The following MACROD2 variants were observed in gnomAD, a reference collection of about 807,000 sequenced individuals.
The protein encoded by MACROD2 is ADP-ribose glycohydrolase MACROD2.
A neutral mutation model predicts 70.4 loss-of-function variants in MACROD2; 36 were observed. The observed-to-expected ratio is 0.51, with a 90% CI of 0.39 to 0.68. The LOEUF (loss-of-function observed/expected upper bound fraction) is 0.68, where lower values mean the gene tolerates loss of function less well. Among genes scored for constraint, MACROD2 ranks in the 30% least tolerant of loss-of-function variants. The pLI, the probability that MACROD2 is intolerant of heterozygous loss-of-function variation, is 0.00. For synonymous variants in MACROD2, 172 were observed against 178.8 expected (o/e 0.96, Z 0.30); for missense variants, 496 against 538.4 (o/e 0.92, Z 0.78).
At chr20:14,811,905 G>T (rs56135937) in intron 5 of MACROD2, among the ~76,000 whole-genome samples, 1 of 152,084 alleles carries the variant, frequency 6.6e-6, no homozygotes, top group South Asian at 2.1e-4. Flanking sequence ...TTAGAATGGC[G>T]ATCATTAAAA....
At position 14,608,212 on chromosome 20, in the gene MACROD2, C is replaced by T. The variant is rs6110355; in HGVS notation, c.302-76631C>T. Among the ~76,000 whole-genome samples, 202 of 152,132 alleles carry T rather than the reference C, an allele frequency of 1.3e-3. 1 individual carries two copies. The highest frequency in any genetic ancestry group is 4.4e-3 in the African/African-American group (182 of 41,520). On this transcript the variant is annotated intron_variant, in intron 4 of 17. Transcript: ENST00000684519. Reference sequence around the variant, plus strand: ...CGGAGGTTGTAGTGAGCTGACATTGCGCCATTGCACTCCAACCTGGGCAAC... The same window carrying T: ...CGGAGGTTGTAGTGAGCTGACATTGTGCCATTGCACTCCAACCTGGGCAAC...
rs199871156 is a variant in MACROD2 at position 15,903,326 on chromosome 20, AAAC to A, written c.775+17523_775+17525del. On this transcript the variant is annotated intron_variant, in intron 10 of 17. Transcript: ENST00000684519. ...CAGAGTGAGACTGTCTCAAAAAAAG[AAAC>A]AACAACAGCGGAAACACAAAATGCT... 2.6e-3 allele frequency among the ~76,000 whole-genome samples: 397 copies of A among 152,320 alleles called. 4 individuals carry two copies. The highest frequency in any genetic ancestry group is 9.1e-3 in the African/African-American group (379 of 41,558).
intron 5 of MACROD2, among the ~76,000 whole-genome samples, chr20:14,754,876 A>T (rs1316744205): frequency 2.0e-5 from 3 of 150,832 alleles, no homozygotes; most frequent in Non-Finnish European, 4.4e-5. Flanking sequence ...TAAGCCGAAT[A>T]CCCAACTTGA....
chr20:14,515,454 T>TACAC (rs771413463), intron 4 of MACROD2, among the ~76,000 whole-genome samples: 51 of 115,386 alleles, frequency 4.4e-4, no homozygotes, highest in Middle Eastern at 4.4e-3. Context: ...ATATGTGAGA[T>TACAC]ACACACACAC....
intron 3 of MACROD2, among the ~76,000 whole-genome samples, chr20:14,306,987 A>G (rs1015187300): frequency 6.7e-6 from 1 of 149,472 alleles, no homozygotes; most frequent in Non-Finnish European, 1.5e-5. Context: ...ATACGCCTCA[A>G]AGTGTGAACC....
intron 3 of MACROD2, among the ~76,000 whole-genome samples, chr20:14,179,562 T>C (rs2081290447): frequency 6.6e-6 from 1 of 152,206 alleles, no homozygotes. Flanking sequence ...CAAACAAATA[T>C]TTGTTTGATT....
intron 10 of MACROD2, among the ~76,000 whole-genome samples, chr20:15,929,912 G>A (rs1026766640): frequency 5.9e-5 from 9 of 152,168 alleles, no homozygotes; most frequent in African/African-American, 1.7e-4. Context: ...TAATATGGGA[G>A]AAATTAGAAG....
chr20:15,946,207 A>G (rs2065820618), intron 12 of MACROD2, among the ~76,000 whole-genome samples: 1 of 152,114 alleles, frequency 6.6e-6, no homozygotes, highest in Non-Finnish European at 1.5e-5. Flanking sequence ...CCTTTCCCAA[A>G]TGCCACTGGT....
intron 5 of MACROD2, among the ~76,000 whole-genome samples, chr20:14,703,335 T>C (rs1244411454): frequency 6.6e-6 from 1 of 152,076 alleles, no homozygotes; most frequent in Non-Finnish European, 1.5e-5. Flanking sequence ...AGGATTACAT[T>C]TGAGAATTAG....
intron 15 of MACROD2, among the ~76,000 whole-genome samples, chr20:16,008,103 C>T (rs2066814107): frequency 6.6e-6 from 1 of 152,164 alleles, no homozygotes; most frequent in African/African-American, 2.4e-5. Flanking sequence ...ACTGGATTTT[C>T]CTGACGTTTC....
intron 10 of MACROD2, 60 bp from the exon 11 acceptor site, chr20:15,933,216 A>G: frequency 6.6e-7 from 1 of 1,524,676 alleles, no homozygotes; most frequent in South Asian, 1.1e-5. Flanking sequence ...TATTAGCCGT[A>G]AAGAGATATT....
intron 4 of MACROD2, among the ~76,000 whole-genome samples, chr20:14,562,150 A>T (rs1979478330): frequency 6.6e-6 from 1 of 151,872 alleles, no homozygotes; most frequent in Non-Finnish European, 1.5e-5. Context: ...AGACTTTTTT[A>T]ATGTCTTGGG....
chr20:15,856,983 G>T (rs1451276163), intron 8 of MACROD2, among the ~76,000 whole-genome samples: 1 of 152,138 alleles, frequency 6.6e-6, no homozygotes, highest in African/African-American at 2.4e-5. Flanking sequence ...AAAGAACATT[G>T]TTATTCTTTG....
At chr20:15,613,280 T>C (rs2048994761) in intron 8 of MACROD2, among the ~76,000 whole-genome samples, 1 of 152,214 alleles carries the variant, frequency 6.6e-6, no homozygotes. Flanking sequence ...CTTTGTCTAC[T>C]TATTATGACA....
intron 3 of MACROD2, among the ~76,000 whole-genome samples, chr20:14,203,063 G>A (rs567825295): frequency 6.6e-6 from 1 of 150,500 alleles, no homozygotes; most frequent in African/African-American, 2.4e-5. Flanking sequence ...AAAAAAAAAG[G>A]CACTAACTCT....
chr20:15,174,010 A>T (rs1199854755), intron 5 of MACROD2, among the ~76,000 whole-genome samples: 4 of 152,218 alleles, frequency 2.6e-5, no homozygotes, highest in Non-Finnish European at 5.9e-5. Context: ...TTTCTTTTAT[A>T]AGTCTGAGTG....
intron 8 of MACROD2, among the ~76,000 whole-genome samples, chr20:15,738,301 C>T (rs1011089684): frequency 3.3e-5 from 5 of 151,946 alleles, no homozygotes; most frequent in African/African-American, 1.2e-4. Flanking sequence ...ATTACATATA[C>T]CCCGTAAATA....
chr20:15,080,903 T>C (rs453053), intron 5 of MACROD2, among the ~76,000 whole-genome samples: 95,783 of 151,948 alleles, frequency 0.63, 30,470 homozygotes, highest in East Asian at 0.73. Context: ...TTCTCGCCTT[T>C]TCTCCCTCTC....
chr20:14,726,632 A>G (rs2071533203), intron 5 of MACROD2, among the ~76,000 whole-genome samples: 1 of 152,238 alleles, frequency 6.6e-6, no homozygotes, highest in African/African-American at 2.4e-5. Flanking sequence ...AGCTAATTTT[A>G]TCGTCAAAAC....
Sources: allele counts gnomAD v4.1 joint callset (sites outside exome capture counted in the v4.1 genomes callset), GRCh38; gene constraint gnomAD v4.1.1; transcripts MANE v1.5; gene names NCBI Gene and HGNC (gene_info 2026-07-23, HGNC 2026-07-21).